Variants in CCDC126 observed in about 807,000 individuals in gnomAD.
CCDC126 encodes coiled-coil domain containing 126.
CCDC126 carries 5 observed loss-of-function variants against 11.7 expected under a neutral mutation model. The observed-to-expected ratio is 0.43, with a 90% CI of 0.22 to 0.90. The LOEUF is 0.90. Ranked by LOEUF, CCDC126 falls within the 40% of genes least tolerant of loss-of-function variation. The probability of loss-of-function intolerance (pLI) is 0.27; values close to 1 mark genes in which losing one functional copy is unlikely to be tolerated. For synonymous variants in CCDC126, 60 were observed against 61.9 expected, an observed-to-expected ratio of 0.97 and a Z score of 0.14; for missense variants, 150 against 163.1, an observed-to-expected ratio of 0.92 and a Z score of 0.44.
At chr7:23,621,011 G>A (rs1373158879) in intron 3 of CCDC126, among the ~76,000 whole-genome samples, 2 of 152,188 alleles carry the variant, frequency 1.3e-5, no homozygotes, top group Non-Finnish European at 2.9e-5. Context: ...GTCAGGTAGT[G>A]TGATGCCTCC....
chr7:23,610,491 A>G (rs1176342808), intron 2 of CCDC126, among the ~76,000 whole-genome samples: 4 of 152,172 alleles, frequency 2.6e-5, no homozygotes, highest in Non-Finnish European at 4.4e-5. Flanking sequence ...TGGGCTTACA[A>G]GTGTAAGCCA....
chr7:23,606,349 T>C lies in CCDC126; in HGVS notation c.-145-4822T>C, dbSNP rs180671039. Among the ~76,000 whole-genome samples the C allele has an allele frequency of 2.0e-5, 3 of 152,258 alleles. No individual in the cohort carries two copies. The East Asian group carries it at 5.8e-4, about 29-fold the overall frequency. ...CTGGGATTACAGGTGTGAGCCACTG[T>C]GCCTGGCCTCATAGTGGTTTTAATA... On this transcript the variant is annotated intron_variant, in intron 2 of 3. Transcript: ENST00000307471.
chr7:23,617,154 C>G (rs1782806794), intron 3 of CCDC126, among the ~76,000 whole-genome samples: 1 of 151,684 alleles, frequency 6.6e-6, no homozygotes, highest in Admixed American at 6.6e-5. Context: ...TCGAGACCAG[C>G]CTGGCCGACA....
At chr7:23,600,914 C>T (rs1026320068) in intron 2 of CCDC126, among the ~76,000 whole-genome samples, 3 of 152,048 alleles carry the variant, frequency 2.0e-5, no homozygotes, top group Admixed American at 6.6e-5. Flanking sequence ...CTTTTTATAG[C>T]AAGACTCCAT....
At chr7:23,634,171 C>T (rs1028706134) in intron 3 of CCDC126, among the ~76,000 whole-genome samples, 6 of 152,054 alleles carry the variant, frequency 3.9e-5, no homozygotes, top group Non-Finnish European at 7.4e-5. Context: ...TACGGCCAGG[C>T]CTGATGGCTC....
At chr7:23,626,482 AATATATTTTTT>A (rs1353075323) in intron 3 of CCDC126, among the ~76,000 whole-genome samples, 57 of 152,310 alleles carry the variant, frequency 3.7e-4, no homozygotes, top group Middle Eastern at 3.4e-3. Flanking sequence ...AACATAAGCT[AATATATTTTTT>A]AATGGAAATT....
intron 2 of CCDC126, among the ~76,000 whole-genome samples, chr7:23,600,387 C>CCG (rs1491517309): frequency 6.4e-5 from 9 of 140,902 alleles, no homozygotes; most frequent in Non-Finnish European, 1.1e-4. Context: ...CCCCCCCCCC[C>CCG]ACCACCATAT....
chr7:23,620,855 T>TCAG lies in CCDC126; in HGVS notation c.238+9302_238+9303insCAG, dbSNP rs1414822580. Among the ~76,000 whole-genome samples the TCAG allele has an allele frequency of 4.3e-3, 651 of 152,354 alleles. 7 individuals are homozygous for TCAG. The highest frequency in any genetic ancestry group is 0.014 in the African/African-American group (571 of 41,578). ...TAGGGAATCCTTTCCCCATTGCTTG[T>TCAG]TTTTGTCAGGTTTGTCAAAGATCAG... is the stretch of plus-strand genomic sequence containing the variant. On this transcript the variant is annotated intron_variant, in intron 3 of 3. Coordinates refer to ENST00000307471, the MANE Select transcript of CCDC126 (RefSeq NM_138771.4).
chr7:23,598,890 A>T (rs1782479948), intron 2 of CCDC126, among the ~76,000 whole-genome samples: 1 of 152,210 alleles, frequency 6.6e-6, no homozygotes, highest in South Asian at 2.1e-4. Context: ...TCATCTCTAA[A>T]ATAGTGAATT....
chr7:23,606,573 C>G (rs919090650), intron 2 of CCDC126, among the ~76,000 whole-genome samples: 1 of 152,144 alleles, frequency 6.6e-6, no homozygotes, highest in Non-Finnish European at 1.5e-5. Flanking sequence ...GGATCACACT[C>G]TGTTGCCCTT....
chr7:23,612,371 A>G (rs1342375004), intron 3 of CCDC126, among the ~76,000 whole-genome samples: 1 of 145,396 alleles, frequency 6.9e-6, no homozygotes, highest in Non-Finnish European at 1.5e-5. Context: ...AGACTGAGGC[A>G]GGATGAGGCA....
At chr7:23,639,392 A>G (rs935407469) in intron 3 of CCDC126, among the ~76,000 whole-genome samples, 5 of 151,958 alleles carry the variant, frequency 3.3e-5, no homozygotes, top group Admixed American at 1.3e-4. Context: ...ACGGGGTTTC[A>G]CCATGTTGGC....
chr7:23,620,757 A>G (rs1031922497), intron 3 of CCDC126, among the ~76,000 whole-genome samples: 4 of 152,170 alleles, frequency 2.6e-5, no homozygotes, highest in African/African-American at 4.8e-5. Flanking sequence ...ATTTTTGTAT[A>G]AAGTGTAAGG....
intron 3 of CCDC126, among the ~76,000 whole-genome samples, chr7:23,616,019 T>A (rs544465091): frequency 1.3e-5 from 2 of 152,336 alleles, no homozygotes; most frequent in East Asian, 3.9e-4. Context: ...AAACATTCAA[T>A]TGTAAAAACA....
At chr7:23,639,485 G>C (rs1249509321) in intron 3 of CCDC126, among the ~76,000 whole-genome samples, 1 of 152,144 alleles carries the variant, frequency 6.6e-6, no homozygotes, top group Admixed American at 6.5e-5. Context: ...GATTACAGGC[G>C]TGAGCCATCG....
At chr7:23,606,746 A>G (rs1203923059) in intron 2 of CCDC126, among the ~76,000 whole-genome samples, 1 of 152,170 alleles carries the variant, frequency 6.6e-6, no homozygotes, top group African/African-American at 2.4e-5. Context: ...TCTTAGGCCA[A>G]AATAACAATG....
intron 3 of CCDC126, among the ~76,000 whole-genome samples, chr7:23,622,136 G>C (rs1377532859): frequency 6.6e-6 from 1 of 152,190 alleles, no homozygotes; most frequent in Non-Finnish European, 1.5e-5. Flanking sequence ...CAGTTGATTG[G>C]AATAGTTTCA....
chr7:23,632,522 G>A (rs1783133183), intron 3 of CCDC126, among the ~76,000 whole-genome samples: 1 of 152,210 alleles, frequency 6.6e-6, no homozygotes, highest in Non-Finnish European at 1.5e-5. Flanking sequence ...GGGCAACATA[G>A]GGATCCTAGT....
intron 2 of CCDC126, among the ~76,000 whole-genome samples, chr7:23,600,396 A>G (rs1290639092): frequency 2.7e-5 from 3 of 112,948 alleles, no homozygotes; most frequent in African/African-American, 1.0e-4. Context: ...CCACCACCAT[A>G]TTAGCCTCAG....
Sources: allele counts gnomAD v4.1 joint callset (sites outside exome capture counted in the v4.1 genomes callset), GRCh38; gene constraint gnomAD v4.1.1; transcripts MANE v1.5; gene names NCBI Gene and HGNC (gene_info 2026-07-23, HGNC 2026-07-21).